SCNN1B: variants seen among roughly 807,000 people sequenced by gnomAD.
SCNN1B encodes epithelial sodium channel subunit beta.
SCNN1B carries 46 observed loss-of-function variants against 65.3 expected under a neutral mutation model. The observed-to-expected ratio is 0.70, with a 90% confidence interval of 0.56 to 0.90. The LOEUF (loss-of-function observed/expected upper bound fraction) is 0.90, where lower values mean the gene tolerates loss of function less well. Among genes scored for constraint, SCNN1B ranks in the 40% least tolerant of loss-of-function variants. The pLI, the probability that SCNN1B is intolerant of heterozygous loss-of-function variation, is 0.00. For synonymous variants in SCNN1B, 349 were observed against 330.6 expected, an observed-to-expected ratio of 1.06 and a Z score of -0.60; for missense variants, 751 against 830.5, an observed-to-expected ratio of 0.90 and a Z score of 1.18.
In SCNN1B at chr16:23,378,886, C is replaced by G. The variant is rs1208748544; in HGVS notation, c.1466+119C>G. ...TTCTCACATGGGTCAGACCGAGGAG[C>G]AAGTCTTGAGGAGGAGGCACTAGGA... is the stretch of plus-strand genomic sequence containing the variant. On this transcript the variant is annotated intron_variant, in intron 11 of 12. Coordinates refer to ENST00000343070, the MANE Select transcript of SCNN1B (RefSeq NM_000336.3). The G allele has an allele frequency of 3.2e-6, 3 of 924,718 alleles. No homozygotes were observed. In the African/African-American group the frequency reaches 4.9e-5, roughly 15 times the overall value. The allele number at this position is 924,718 out of a possible 1,614,324, so 57.3% of individuals were successfully genotyped here. A position where few individuals can be genotyped will look rare whatever the true frequency, so the allele number is the denominator to read the frequency against.
chr16:23,365,581 AAG>A (rs1236197984), intron 4 of SCNN1B, among the ~76,000 whole-genome samples: 12 of 82,470 alleles, frequency 1.5e-4, no homozygotes, highest in Admixed American at 3.4e-4. Context: ...GAAAGAAAGA[AAG>A]AAAGAGAAAG....
chr16:23,308,100 A>T (rs1271868581), intron 1 of SCNN1B, among the ~76,000 whole-genome samples: 1 of 152,194 alleles, frequency 6.6e-6, no homozygotes, highest in Non-Finnish European at 1.5e-5. Context: ...GCTACTCACA[A>T]GGCTGAAGTG....
At chr16:23,288,040 C>T (rs1024507036) in intron 2 of SCNN1B, among the ~76,000 whole-genome samples, 1 of 151,794 alleles carries the variant, frequency 6.6e-6, no homozygotes, top group African/African-American at 2.4e-5. Context: ...CCTGTAGTCC[C>T]AGCTGCTTGG....
rs748962184 is a variant in SCNN1B at position 23,353,019 on chromosome 16, G to A, written c.530G>A (p.Ser177Asn). The A allele has an allele frequency of 6.9e-5, 112 of 1,614,056 alleles. No homozygotes were observed. Among genetic ancestry groups the A allele is most frequent in the Middle Eastern group, 1.6e-4 (1 of 6,084 alleles). The change falls in exon 3 of 13, where the codon AGC becomes AAC. Residue 177 changes from serine to asparagine, a missense_variant. Coordinates refer to ENST00000343070, the MANE Select transcript of SCNN1B (RefSeq NM_000336.3). Reference protein sequence around the residue: ...FGDNHNGLTSSSASEKICNAH... With the variant: ...FGDNHNGLTSNSASEKICNAH... ...GACAACCACAATGGCTTAACAAGCAGCTCAGCATCAGAAAAGATCTGTAAT... is the reference window on the plus strand; with the variant it reads ...GACAACCACAATGGCTTAACAAGCAACTCAGCATCAGAAAAGATCTGTAAT...
At chr16:23,288,745 G>C (rs1417765309) in intron 2 of SCNN1B, among the ~76,000 whole-genome samples, 1 of 152,184 alleles carries the variant, frequency 6.6e-6, no homozygotes, top group Non-Finnish European at 1.5e-5. Flanking sequence ...GGAGGTCAAG[G>C]CTCCAGTGAG....
chr16:23,341,114 T>C (rs575184446), intron 1 of SCNN1B, among the ~76,000 whole-genome samples: 3 of 152,302 alleles, frequency 2.0e-5, no homozygotes, highest in African/African-American at 7.2e-5. Context: ...CAATATTGAG[T>C]CTTCTAATCT....
At position 23,374,290 on chromosome 16, in the gene SCNN1B, G is replaced by A. The variant is rs59273212; in HGVS notation, c.1153-1448G>A. ...CAGGAAAAAAAAAAAAAAAAAAAAA[G>A]AGGCCGGGCGCGATGGCTCACACCT... On this transcript the variant is annotated intron_variant, in intron 7 of 12. Transcript: ENST00000343070. 3.1e-3 allele frequency among the ~76,000 whole-genome samples: 199 copies of A among 64,810 alleles called. 1 individual carries two copies. The highest frequency in any genetic ancestry group is 8.7e-3 in the African/African-American group (177 of 20,348). 42.5% of individuals were successfully genotyped at this position (64,810 alleles called of 152,430 possible).
chr16:23,326,169 G>C (rs1341137179), intron 1 of SCNN1B, among the ~76,000 whole-genome samples: 2 of 149,872 alleles, frequency 1.3e-5, no homozygotes, highest in African/African-American at 4.9e-5. Flanking sequence ...CCTAACAATA[G>C]ATTTTTTCAT....
intron 1 of SCNN1B, among the ~76,000 whole-genome samples, chr16:23,328,608 C>A (rs1287515565): frequency 6.6e-6 from 1 of 152,102 alleles, no homozygotes; most frequent in Non-Finnish European, 1.5e-5. Context: ...ACTCAAGAAC[C>A]CAGGAGGTAC....
At position 23,348,905 on chromosome 16, in the gene SCNN1B, C is replaced by T. The variant is rs146909992; in HGVS notation, c.306C>T (p.Pro102=). The T allele has an allele frequency of 6.2e-7, 1 of 1,614,156 alleles. No individual in the cohort carries two copies. Among genetic ancestry groups the T allele is most frequent in the Non-Finnish European group, 8.5e-7 (1 of 1,179,992 alleles). The change falls in exon 2 of 13, where the codon CCC becomes CCT. Residue 102 remains proline (P), a synonymous_variant. Transcript: ENST00000343070. The surrounding 1 kb of genome is among the most constrained non-coding windows in gnomAD (Gnocchi z 4.5). The stretch of plus-strand genomic sequence containing the variant: ...CCGTCACCATCTGCAATGCTAGCCC[C>T]TTCAAGTAGGTGGCCCCGGAGTGCA... ...FPAVTICNAS[P]FKYSKIKHLL...
chr16:23,284,902 C>T (rs532901412), intron 2 of SCNN1B, among the ~76,000 whole-genome samples: 1 of 152,258 alleles, frequency 6.6e-6, no homozygotes, highest in Non-Finnish European at 1.5e-5. Context: ...TCCAAATGAG[C>T]CTGGGGCATC....
At chr16:23,359,968 C>T (rs1243853673) in intron 4 of SCNN1B, among the ~76,000 whole-genome samples, 3 of 151,982 alleles carry the variant, frequency 2.0e-5, no homozygotes, top group South Asian at 2.1e-4. Context: ...TTTGGGAAGC[C>T]GAGGCAGGCA....
chr16:23,380,141 G>A lies in SCNN1B; in HGVS notation c.1514G>A (p.Arg505His), dbSNP rs138784278. The part of the protein sequence containing the change: ...LNIYFQEFNY[R>H]TIEESAANNI... ...ATCTACTTCCAAGAATTTAACTATC[G>A]CACCATTGAAGAATCAGCAGCCAAT... The change falls in exon 12 of 13, where the codon CGC becomes CAC. Residue 505 changes from arginine (R) to histidine (H), a missense_variant. By Grantham distance (29) the Arg-to-His change is conservative (BLOSUM62 0). Coordinates refer to ENST00000343070, the MANE Select transcript of SCNN1B (RefSeq NM_000336.3). The surrounding 1 kb of genome is among the most constrained non-coding windows in gnomAD (Gnocchi z 5.4). 1.4e-4 allele frequency: 228 copies of A among 1,613,988 alleles called. 1 individual carries two copies. The highest frequency in any genetic ancestry group is 1.8e-4 in the Admixed American group (11 of 59,996).
At chr16:23,377,086 A>G (rs1962914195) in intron 8 of SCNN1B, 79 bp from the exon 9 acceptor site, 6 of 1,309,436 alleles carry the variant, frequency 4.6e-6, no homozygotes, top group Non-Finnish European at 6.5e-6. Context: ...CAGAGGGGCC[A>G]GCCAGAGGCT....
chr16:23,297,054 A>G (rs1218156883), intron 2 of SCNN1B, among the ~76,000 whole-genome samples: 1 of 151,874 alleles, frequency 6.6e-6, no homozygotes, highest in Admixed American at 6.6e-5. Flanking sequence ...CCTTTGATCA[A>G]TGGAATAAGG....
At chr16:23,303,199 C>T (rs1185828274) in intron 1 of SCNN1B, among the ~76,000 whole-genome samples, 1 of 151,942 alleles carries the variant, frequency 6.6e-6, no homozygotes, top group East Asian at 1.9e-4. Flanking sequence ...CTCACTCTAG[C>T]GTGGAGGGGG....
chr16:23,337,511 G>A (rs564956906), intron 1 of SCNN1B, among the ~76,000 whole-genome samples: 3 of 151,562 alleles, frequency 2.0e-5, no homozygotes, highest in South Asian at 4.2e-4. Flanking sequence ...CCAAGTAGCT[G>A]GAATTATAGG....
At chr16:23,280,360 G>C (rs951351867) in intron 1 of SCNN1B, among the ~76,000 whole-genome samples, 1 of 151,892 alleles carries the variant, frequency 6.6e-6, no homozygotes, top group Non-Finnish European at 1.5e-5. Context: ...GAGTAGCTGG[G>C]CCCACAGGCA....
chr16:23,381,069 G>A lies in SCNN1B; in HGVS notation c.*268G>A, dbSNP rs1036113081. The A allele has an allele frequency of 5.6e-6, 3 of 533,982 alleles. No homozygotes were observed. In the African/African-American group the frequency reaches 5.7e-5, roughly 10 times the overall value. 33.1% of individuals were successfully genotyped at this position (533,982 alleles called of 1,614,324 possible). On this transcript the variant is annotated 3_prime_UTR_variant, in exon 13 of 13. Coordinates refer to ENST00000343070, the MANE Select transcript of SCNN1B (RefSeq NM_000336.3). ...CCCTACCTGTCCTGATCCTGGTCCT[G>A]AAGACCCCTCGGAACACCCTCTCCT...
Sources: allele counts gnomAD v4.1 joint callset (sites outside exome capture counted in the v4.1 genomes callset), GRCh38; gene constraint gnomAD v4.1.1; non-coding constraint Gnocchi (gnomAD v3.1); transcripts MANE v1.5; gene names NCBI Gene and HGNC (gene_info 2026-07-23, HGNC 2026-07-21).